Variants in CA10 observed in about 807,000 individuals in gnomAD.
The protein encoded by CA10 is carbonic anhydrase 10 (inactive), also known as carbonic anhydrase-related protein 10.
CA10 carries 14 observed loss-of-function variants against 44.2 expected under a neutral mutation model. That is an observed-to-expected ratio of 0.32 (90% CI 0.21 to 0.50). The LOEUF is 0.50. CA10 is among the 20% of genes least tolerant of loss of function. The pLI, the probability that CA10 is intolerant of heterozygous loss-of-function variation, is 0.99. For synonymous variants in CA10, 159 were observed against 141.6 expected (o/e 1.12, Z -0.87); for missense variants, 350 against 409.7 (o/e 0.85, Z 1.26).
intron 3 of CA10, among the ~76,000 whole-genome samples, chr17:51,754,341 C>T (rs183147364): frequency 1.1e-3 from 144 of 129,658 alleles, no homozygotes; most frequent in African/African-American, 4.2e-3. Context: ...TGTATAAAGA[C>T]GGGTAAAATA....
chr17:52,004,476 A>G (rs1315901240), intron 2 of CA10, among the ~76,000 whole-genome samples: 1 of 151,926 alleles, frequency 6.6e-6, no homozygotes, highest in Non-Finnish European at 1.5e-5. Flanking sequence ...CCAAAACTGT[A>G]ATTTATAACC....
chr17:51,755,669 C>T (rs1691951486), intron 3 of CA10, among the ~76,000 whole-genome samples: 2 of 152,120 alleles, frequency 1.3e-5, no homozygotes, highest in African/African-American at 4.8e-5. Flanking sequence ...CATTCTTAAC[C>T]CAGTTAGTTA....
chr17:51,752,989 T>A (rs1598027474), intron 3 of CA10, among the ~76,000 whole-genome samples: 4 of 152,166 alleles, frequency 2.6e-5, no homozygotes, highest in Admixed American at 2.6e-4. Context: ...TTTCATTTCT[T>A]CTCCAGTCTC....
chr17:51,830,503 T>C (rs1054832835), intron 3 of CA10, among the ~76,000 whole-genome samples: 1 of 152,234 alleles, frequency 6.6e-6, no homozygotes, highest in Non-Finnish European at 1.5e-5. Flanking sequence ...TCTATTGTTT[T>C]TATTCATGAA....
intron 4 of CA10, among the ~76,000 whole-genome samples, chr17:51,689,550 G>A (rs754561453): frequency 2.0e-5 from 3 of 152,130 alleles, no homozygotes; most frequent in Non-Finnish European, 2.9e-5. Context: ...AATAATAATG[G>A]GGTTATTGAG....
intron 3 of CA10, among the ~76,000 whole-genome samples, chr17:51,785,729 T>G (rs1481366398): frequency 1.3e-5 from 2 of 152,204 alleles, no homozygotes; most frequent in African/African-American, 2.4e-5. Context: ...AATTTGATGT[T>G]AGGTATTGTG....
chr17:51,931,359 C>T (rs372010419), intron 2 of CA10, among the ~76,000 whole-genome samples: 4 of 152,048 alleles, frequency 2.6e-5, no homozygotes, highest in African/African-American at 9.7e-5. Context: ...TTGTTTGAGG[C>T]CCACTCATCC....
intron 1 of CA10, among the ~76,000 whole-genome samples, chr17:52,080,738 T>C: frequency 6.6e-6 from 1 of 152,076 alleles, no homozygotes; most frequent in East Asian, 1.9e-4. Flanking sequence ...CCCCCGAAAT[T>C]CCTTCTTTGT....
At chr17:51,827,369 C>A (rs939108644) in intron 3 of CA10, among the ~76,000 whole-genome samples, 1 of 151,434 alleles carries the variant, frequency 6.6e-6, no homozygotes. Context: ...CACACACATA[C>A]ACACACACAC....
intron 1 of CA10, among the ~76,000 whole-genome samples, chr17:52,153,095 C>T (rs549961563): frequency 6.6e-6 from 1 of 152,228 alleles, no homozygotes; most frequent in South Asian, 2.1e-4. Context: ...GGCTAGTAAT[C>T]AAACCCCTCT....
intron 1 of CA10, among the ~76,000 whole-genome samples, chr17:52,128,758 A>G (rs188141032): frequency 1.3e-5 from 2 of 152,322 alleles, no homozygotes; most frequent in East Asian, 3.9e-4. Flanking sequence ...CTCTTCTTCT[A>G]GCATTTAACC....
intron 2 of CA10, among the ~76,000 whole-genome samples, chr17:52,045,451 A>G (rs1986886638): frequency 6.6e-6 from 1 of 152,032 alleles, no homozygotes; most frequent in African/African-American, 2.4e-5. Flanking sequence ...TCAAAAGATA[A>G]ATTATGATTT....
rs1598204973 is a variant in CA10 at position 52,081,624 on chromosome 17, C to T, written c.62-9231G>A. ...GACCATCCCGGCTAAAACGGTGAAA[C>T]CCCGTCTCTACTAAAAATACAAAAA... is the stretch of plus-strand genomic sequence containing the variant. On this transcript the variant is annotated intron_variant, in intron 1 of 8. Coordinates refer to ENST00000451037, the MANE Select transcript of CA10 (RefSeq NM_020178.5). 2.6e-5 allele frequency among the ~76,000 whole-genome samples: 4 copies of T among 151,868 alleles called. No individual in the cohort carries two copies. In the East Asian group the frequency reaches 7.8e-4, roughly 30 times the overall value.
intron 2 of CA10, among the ~76,000 whole-genome samples, chr17:52,030,619 T>A (rs1162362515): frequency 1.3e-5 from 2 of 152,176 alleles, no homozygotes. Context: ...TTTTTAGGTG[T>A]CTGTGAGGGG....
intron 4 of CA10, among the ~76,000 whole-genome samples, chr17:51,710,980 A>G (rs1328555838): frequency 1.4e-5 from 2 of 139,328 alleles, no homozygotes; most frequent in Non-Finnish European, 3.0e-5. Flanking sequence ...GGAAGCCTTC[A>G]ATTAGAGTAG....
At chr17:52,081,903 T>G (rs1987992962) in intron 1 of CA10, among the ~76,000 whole-genome samples, 1 of 152,122 alleles carries the variant, frequency 6.6e-6, no homozygotes, top group Non-Finnish European at 1.5e-5. Context: ...ACTCCCACCC[T>G]TTTTAGTCTG....
intron 3 of CA10, among the ~76,000 whole-genome samples, chr17:51,774,550 C>T (rs970407213): frequency 6.6e-6 from 1 of 152,084 alleles, no homozygotes; most frequent in Admixed American, 6.5e-5. Flanking sequence ...AGCAATTCTC[C>T]TGCCTCAGCC....
intron 1 of CA10, among the ~76,000 whole-genome samples, chr17:52,079,053 G>A (rs541855990): frequency 6.6e-5 from 10 of 152,302 alleles, no homozygotes; most frequent in South Asian, 6.2e-4. Flanking sequence ...CTGGGAGGCC[G>A]GGGCACGCGG....
chr17:51,694,129 G>C (rs1027226491), intron 4 of CA10, among the ~76,000 whole-genome samples: 5 of 151,922 alleles, frequency 3.3e-5, no homozygotes, highest in African/African-American at 1.2e-4. Context: ...GCTTGAACCC[G>C]GGAGGCAGAG....
Sources: gnomAD v4.1 joint callset for allele counts (sites outside exome capture counted in the v4.1 genomes callset) on GRCh38, gnomAD v4.1.1 for gene constraint, MANE v1.5 for transcripts, NCBI Gene and HGNC (gene_info 2026-07-23, HGNC 2026-07-21) for gene names.